The following DICER1 variants were observed in gnomAD, a reference collection of about 807,000 sequenced individuals.
The protein encoded by DICER1 is endoribonuclease Dicer.
A neutral mutation model predicts 194.1 loss-of-function variants in DICER1; 43 were observed. The observed-to-expected ratio is 0.22, with a 90% CI of 0.17 to 0.29. The LOEUF (loss-of-function observed/expected upper bound fraction) is 0.29, where lower values mean the gene tolerates loss of function less well. DICER1 is among the 10% of genes least tolerant of loss of function. The pLI, the probability that DICER1 is intolerant of heterozygous loss-of-function variation, is 1.00. For missense variants in DICER1, 1,608 were observed against 2,317.0 expected, an observed-to-expected ratio of 0.69 and a Z score of 6.28; for synonymous variants, 832 against 820.5, an observed-to-expected ratio of 1.01 and a Z score of -0.24.
At chr14:95,110,957 C>G in intron 14 of DICER1, among the ~76,000 whole-genome samples, 1 of 152,182 alleles carries the variant, frequency 6.6e-6, no homozygotes, top group East Asian at 1.9e-4. Flanking sequence ...CACAAATCCT[C>G]TTCTGTCTTA....
chr14:95,136,669 T>A (rs1210299247), intron 1 of DICER1: 1 of 152,252 alleles, frequency 6.6e-6, no homozygotes, highest in Admixed American at 6.5e-5. Flanking sequence ...GCAAAAAATT[T>A]AGGACTTTCA....
chr14:95,090,713 C>A, intron 26 of DICER1, 50 bp from the exon 27 acceptor site: 1 of 1,601,892 alleles, frequency 6.2e-7, no homozygotes, highest in Non-Finnish European at 8.6e-7. Context: ...TATTTATTAT[C>A]ATTGTCAATC....
intron 21 of DICER1, among the ~76,000 whole-genome samples, chr14:95,101,649 C>A (rs985772595): frequency 6.6e-6 from 1 of 152,160 alleles, no homozygotes; most frequent in Non-Finnish European, 1.5e-5. Flanking sequence ...TGCCAGTTTA[C>A]GTGGTTGTTA....
At position 95,115,777 on chromosome 14, in the gene DICER1, A is replaced by T. The variant is rs761971773; in HGVS notation, c.1797T>A (p.Thr599=). Residue 599 remains threonine, a synonymous_variant, in exon 11 of 27, where the codon ACT becomes ACA. Transcript: ENST00000343455. The part of the protein sequence containing the change: ...KCSKSVDTGE[T]DIDPVMDDDD... Reference sequence around the variant, plus strand: ...CATCATCCATGACAGGATCAATGTCAGTCTCACCAGTATCAACCGACTTGG... The same window carrying T: ...CATCATCCATGACAGGATCAATGTCTGTCTCACCAGTATCAACCGACTTGG... 1.2e-6 allele frequency: 2 copies of T among 1,614,202 alleles called. No homozygotes were observed. The highest frequency in any genetic ancestry group is 2.2e-5 in the South Asian group (2 of 91,088).
intron 8 of DICER1, among the ~76,000 whole-genome samples, chr14:95,123,879 C>T (rs2140196680): frequency 6.6e-6 from 1 of 152,248 alleles, no homozygotes; most frequent in South Asian, 2.1e-4. Context: ...TGAATTGAAT[C>T]TAAAATTGAA....
chr14:95,110,752 T>C (rs949021792), intron 14 of DICER1, among the ~76,000 whole-genome samples: 3 of 152,180 alleles, frequency 2.0e-5, no homozygotes, highest in Non-Finnish European at 4.4e-5. Context: ...AAGTTAGATT[T>C]AGAGATGCTT....
intron 20 of DICER1, among the ~76,000 whole-genome samples, chr14:95,104,772 C>T (rs1218901058): frequency 6.6e-6 from 1 of 152,148 alleles, no homozygotes; most frequent in Non-Finnish European, 1.5e-5. Context: ...AAAGAACATG[C>T]TAAGGCTATT....
chr14:95,135,501 T>A (rs1430254255), intron 1 of DICER1, among the ~76,000 whole-genome samples: 1 of 152,172 alleles, frequency 6.6e-6, no homozygotes, highest in Admixed American at 6.5e-5. Flanking sequence ...TAACAATAAA[T>A]AACTTTAGAA....
intron 1 of DICER1, among the ~76,000 whole-genome samples, chr14:95,154,126 C>T (rs1895691708): frequency 6.6e-6 from 1 of 152,182 alleles, no homozygotes; most frequent in Non-Finnish European, 1.5e-5. Context: ...GCACATCACT[C>T]CATGTTTGAT....
chr14:95,112,286 C>G lies in DICER1; in HGVS notation c.2041-39G>C, dbSNP rs756421225. 3 of 1,518,196 alleles carry G rather than the reference C, an allele frequency of 2.0e-6. No homozygotes were observed. In the East Asian group the frequency reaches 6.8e-5, roughly 34 times the overall value. The allele number at this position is 1,518,196 out of a possible 1,614,324, so 94.0% of individuals were successfully genotyped here. On this transcript the variant is annotated intron_variant, in intron 12 of 26. Transcript: ENST00000343455. Reference sequence around the variant, plus strand: ...AAACCTTTCCATTATATATGCACATCGCTGTATTACCTCTAGCACATGAAA... The same window carrying G: ...AAACCTTTCCATTATATATGCACATGGCTGTATTACCTCTAGCACATGAAA...
In DICER1 at chr14:95,105,832, T is replaced by A; in HGVS notation, c.2988-49A>T. ...TATCAAACACACAAAAATGAGTACA[T>A]ATTCACAGTGGTTCTCCAAAAACCA... On this transcript the variant is annotated intron_variant, in intron 18 of 26. Coordinates refer to ENST00000343455, the MANE Select transcript of DICER1 (RefSeq NM_177438.3). This position sits in a 1 kb window ranked among gnomAD's most constrained non-coding sequence, Gnocchi z 4.9. The A allele has an allele frequency of 1.3e-6, 2 of 1,536,134 alleles. No homozygotes were observed. Among genetic ancestry groups the A allele is most frequent in the Non-Finnish European group, 1.8e-6 (2 of 1,109,878 alleles).
chr14:95,124,835 C>CT lies in DICER1; in HGVS notation c.904-168dup, dbSNP rs1439610461. On this transcript the variant is annotated intron_variant, in intron 7 of 26. Coordinates refer to ENST00000343455, the MANE Select transcript of DICER1 (RefSeq NM_177438.3). The surrounding 1 kb of genome is among the most constrained non-coding windows in gnomAD (Gnocchi z 4.5). The stretch of plus-strand genomic sequence containing the variant: ...GGGAGAGGCCATTAGCCTTTTCAAG[C>CT]TCATTTCGTATGTATATGCCTAGAA... 2.0e-5 allele frequency among the ~76,000 whole-genome samples: 3 copies of CT among 152,104 alleles called. No homozygotes were observed. The highest frequency in any genetic ancestry group is 6.5e-5 in the Admixed American group (1 of 15,280).
chr14:95,135,411 C>T (rs1894285121), intron 1 of DICER1, among the ~76,000 whole-genome samples: 1 of 152,148 alleles, frequency 6.6e-6, no homozygotes, highest in Non-Finnish European at 1.5e-5. Context: ...CTTCCAGAAA[C>T]CAGGTATGTC....
In DICER1 at chr14:95,116,540, T is replaced by C. The variant is rs1555372863; in HGVS notation, c.1665A>G (p.Ala555=). The change falls in exon 10 of 27, where the codon GCA becomes GCG. Residue 555 remains alanine, a synonymous_variant. Coordinates refer to ENST00000343455, the MANE Select transcript of DICER1 (RefSeq NM_177438.3). ...CTAACATTATATAATTAGAGATGGG[T>C]GCCCTTGCTCTTCCTTTAGATTGAA... ...SYVQSKGRAR[A]PISNYIMLAD... 3 of 1,613,918 alleles carry C rather than the reference T, an allele frequency of 1.9e-6. No homozygotes were observed. The highest frequency in any genetic ancestry group is 2.5e-6 in the Non-Finnish European group (3 of 1,179,966).
chr14:95,123,901 G>A lies in DICER1; in HGVS notation c.1376+295C>T, dbSNP rs11627522. ...AATCTAAAATTGAATATAAAACAAT[G>A]CTTTACTTAAATGTATACTGATTTT... On this transcript the variant is annotated intron_variant, in intron 8 of 26. Transcript: ENST00000343455. Among the ~76,000 whole-genome samples the A allele has an allele frequency of 0.12, 18,434 of 152,110 alleles. 1,233 individuals carry two copies. The highest frequency in any genetic ancestry group is 0.17 in the Middle Eastern group (51 of 294).
At position 95,086,654 on chromosome 14, in the gene DICER1, T is replaced by C. The variant is rs1216854190; in HGVS notation, c.*3844A>G. On this transcript the variant is annotated 3_prime_UTR_variant, in exon 27 of 27. Coordinates refer to ENST00000343455, the MANE Select transcript of DICER1 (RefSeq NM_177438.3). ...TTTACAAGTTAGTTGTGAAAAATCA[T>C]TTTCACTGCTAGTGGAAAATACAAT... 2 of 233,198 alleles carry C rather than the reference T, an allele frequency of 8.6e-6. No individual in the cohort carries two copies. Among genetic ancestry groups the C allele is most frequent in the African/African-American group, 4.4e-5 (2 of 45,338 alleles). The allele number at this position is 233,198 out of a possible 1,614,324, so 14.4% of individuals were successfully genotyped here. A position where few individuals can be genotyped will look rare whatever the true frequency, so the allele number is the denominator to read the frequency against.
At chr14:95,119,241 A>G (rs1892741931) in intron 8 of DICER1, among the ~76,000 whole-genome samples, 1 of 152,224 alleles carries the variant, frequency 6.6e-6, no homozygotes, top group African/African-American at 2.4e-5. Context: ...TCCATCTGGC[A>G]GACTTCAATT....
intron 21 of DICER1, among the ~76,000 whole-genome samples, chr14:95,102,852 A>C (rs1891006239): frequency 6.6e-6 from 1 of 152,148 alleles, no homozygotes; most frequent in African/African-American, 2.4e-5. Flanking sequence ...AGCTCTGTGA[A>C]GCTTGTTACT....
Position 95,124,218 on chromosome 14 carries a change from A to T in DICER1, c.1354T>A (p.Tyr452Asn). The stretch of plus-strand genomic sequence containing the variant: ...TACCTGTTTAAGACAACTGCTGTGT[A>T]TCTTCTTTCCACAAAAATAATTCCG... ...LCGIIFVERR[Y>N]TAVVLNRLIK... The change falls in exon 8 of 27, where the codon TAC becomes AAC. Residue 452 changes from tyrosine (Y) to asparagine (N), a missense_variant. By Grantham distance (143) the Tyr-to-Asn change is moderately radical. Coordinates refer to ENST00000343455, the MANE Select transcript of DICER1 (RefSeq NM_177438.3). This position sits in a 1 kb window ranked among gnomAD's most constrained non-coding sequence, Gnocchi z 4.5. 1.2e-6 allele frequency: 2 copies of T among 1,613,666 alleles called. No individual in the cohort carries two copies. The highest frequency in any genetic ancestry group is 1.7e-6 in the Non-Finnish European group (2 of 1,179,874).
Sources: allele counts gnomAD v4.1 joint callset (sites outside exome capture counted in the v4.1 genomes callset), GRCh38; gene constraint gnomAD v4.1.1; non-coding constraint Gnocchi (gnomAD v3.1); transcripts MANE v1.5; gene names NCBI Gene and HGNC (gene_info 2026-07-23, HGNC 2026-07-21).